The following FSTL4 variants were observed in gnomAD, a reference collection of about 807,000 sequenced individuals.
FSTL4 encodes the protein follistatin like 4.
In FSTL4, 28 loss-of-function variants were observed where a neutral mutation model predicts 78.2. That is an observed-to-expected ratio of 0.36 (90% confidence interval 0.27 to 0.49). The LOEUF (loss-of-function observed/expected upper bound fraction) is 0.49. Among genes scored for constraint, FSTL4 ranks in the 20% least tolerant of loss-of-function variants. FSTL4 has a pLI of 0.98. For missense variants in FSTL4, 922 were observed against 1,084.9 expected (o/e 0.85, Z 2.11); for synonymous variants, 422 against 440.5 (o/e 0.96, Z 0.53).
chr5:133,568,647 G>C (rs374329224), intron 2 of FSTL4, among the ~76,000 whole-genome samples: 1 of 152,118 alleles, frequency 6.6e-6, no homozygotes, highest in Non-Finnish European at 1.5e-5. Flanking sequence ...CAGAGGAGGC[G>C]GCATAGAGAT....
the FSTL4 span, among the ~76,000 whole-genome samples, chr5:133,797,946 A>T: frequency 6.6e-6 from 1 of 152,070 alleles, no homozygotes; most frequent in African/African-American, 2.4e-5. Flanking sequence ...AGCCACGAAA[A>T]CCCAGATATG....
the FSTL4 span, among the ~76,000 whole-genome samples, chr5:133,759,204 A>G: frequency 6.6e-6 from 1 of 152,228 alleles, no homozygotes; most frequent in Admixed American, 6.5e-5. Context: ...ACTAATAAAT[A>G]TATGAAAAAC....
intron 8 of FSTL4, among the ~76,000 whole-genome samples, chr5:133,227,432 A>C (rs1329909243): frequency 6.6e-6 from 1 of 152,220 alleles, no homozygotes; most frequent in African/African-American, 2.4e-5. Context: ...AGAGGAAAGA[A>C]AGAAACTTCC....
chr5:133,471,495 AG>A, intron 3 of FSTL4, among the ~76,000 whole-genome samples: 1 of 152,326 alleles, frequency 6.6e-6, no homozygotes, highest in East Asian at 1.9e-4. Flanking sequence ...CCCTCATAAA[AG>A]AGACCCCAGA....
At position 133,611,003 on chromosome 5, in the gene FSTL4, TC is replaced by T. The variant is rs1761077789; in HGVS notation, c.-11+1321del. Among the ~76,000 whole-genome samples the T allele has an allele frequency of 6.6e-6, 1 of 152,036 alleles. No individual in the cohort carries two copies. Among genetic ancestry groups the T allele is most frequent in the African/African-American group, 2.4e-5 (1 of 41,392 alleles). On this transcript the variant is annotated intron_variant, in intron 1 of 15. Transcript: ENST00000265342. The surrounding 1 kb of genome is among the most constrained non-coding windows in gnomAD (Gnocchi z 4.9). ...TCTCGGGGGCCCCATCTAGTACAAT[TC>T]CTGGTGCACAGGCTTGCAACAAATT...
At chr5:133,839,161 G>C in the FSTL4 span, among the ~76,000 whole-genome samples, 1 of 152,214 alleles carries the variant, frequency 6.6e-6, no homozygotes, top group Non-Finnish European at 1.5e-5. Flanking sequence ...CAGAGACCCA[G>C]TGAGAGCTTT....
the FSTL4 span, among the ~76,000 whole-genome samples, chr5:133,780,605 T>C: frequency 6.6e-6 from 1 of 152,234 alleles, no homozygotes; most frequent in Non-Finnish European, 1.5e-5. Flanking sequence ...ACTTTATTAA[T>C]ACTGCCTGGA....
At chr5:133,354,956 A>T (rs949518378) in intron 4 of FSTL4, among the ~76,000 whole-genome samples, 2 of 152,200 alleles carry the variant, frequency 1.3e-5, no homozygotes, top group African/African-American at 4.8e-5. Flanking sequence ...TGTCATGCTG[A>T]TGGTGGGCTC....
intron 3 of FSTL4, among the ~76,000 whole-genome samples, chr5:133,510,218 C>G (rs1222338219): frequency 6.6e-6 from 1 of 152,186 alleles, no homozygotes; most frequent in South Asian, 2.1e-4. Context: ...AATGGAACCT[C>G]GTTGCCTTAC....
the FSTL4 span, among the ~76,000 whole-genome samples, chr5:133,717,574 C>A: frequency 6.6e-6 from 1 of 152,300 alleles, no homozygotes; most frequent in Non-Finnish European, 1.5e-5. Flanking sequence ...GTGCCCCATC[C>A]CAGTCAATCC....
chr5:133,434,445 G>T (rs1003233246), intron 3 of FSTL4, among the ~76,000 whole-genome samples: 1 of 152,120 alleles, frequency 6.6e-6, no homozygotes, highest in African/African-American at 2.4e-5. Context: ...ATTTCCACAA[G>T]TCATAATTTT....
the FSTL4 span, among the ~76,000 whole-genome samples, chr5:133,788,796 T>G: frequency 3.3e-5 from 5 of 151,618 alleles, no homozygotes; most frequent in Admixed American, 2.6e-4. Flanking sequence ...ACTCCCTGAC[T>G]GAGTAAGATT....
chr5:133,617,832 C>G, the FSTL4 span, among the ~76,000 whole-genome samples: 1 of 151,836 alleles, frequency 6.6e-6, no homozygotes, highest in African/African-American at 2.4e-5. Context: ...GGCAGAGATA[C>G]GATTAGATGA....
intron 4 of FSTL4, among the ~76,000 whole-genome samples, chr5:133,365,003 G>C (rs1755154977): frequency 1.3e-5 from 2 of 152,130 alleles, no homozygotes; most frequent in Non-Finnish European, 2.9e-5. Context: ...CTGCCTCACA[G>C]ATGAAGACAC....
chr5:133,676,001 G>GC, the FSTL4 span, among the ~76,000 whole-genome samples: 1 of 152,076 alleles, frequency 6.6e-6, no homozygotes, highest in African/African-American at 2.4e-5. Flanking sequence ...CTAGACACAG[G>GC]CCCTCCCCAC....
intron 2 of FSTL4, among the ~76,000 whole-genome samples, chr5:133,599,583 G>A (rs531893260): frequency 6.6e-6 from 1 of 152,206 alleles, no homozygotes; most frequent in Non-Finnish European, 1.5e-5. Context: ...TATGTAGTAC[G>A]TGACTATGTA....
At chr5:133,324,115 G>A (rs1369919766) in intron 4 of FSTL4, among the ~76,000 whole-genome samples, 1 of 152,184 alleles carries the variant, frequency 6.6e-6, no homozygotes, top group East Asian at 1.9e-4. Context: ...AAAACAAAGG[G>A]AAGCAAGGGA....
intron 4 of FSTL4, among the ~76,000 whole-genome samples, chr5:133,369,615 C>G (rs1296358383): frequency 6.6e-6 from 1 of 152,224 alleles, no homozygotes; most frequent in Non-Finnish European, 1.5e-5. Context: ...ACAGCCCCTC[C>G]CACTGCCCAG....
intron 3 of FSTL4, among the ~76,000 whole-genome samples, chr5:133,532,970 C>T (rs1198538832): frequency 6.6e-6 from 1 of 152,192 alleles, no homozygotes; most frequent in African/African-American, 2.4e-5. Context: ...CAGAAATGAA[C>T]CCCAGAGACC....
Sources: gnomAD v4.1 joint callset for allele counts (sites outside exome capture counted in the v4.1 genomes callset) on GRCh38, gnomAD v4.1.1 for gene constraint, Gnocchi (gnomAD v3.1) non-coding constraint, MANE v1.5 for transcripts, NCBI Gene and HGNC (gene_info 2026-07-23, HGNC 2026-07-21) for gene names.